SH3YL1: variants seen among roughly 807,000 people sequenced by gnomAD.
SH3YL1 encodes the protein SH3 and SYLF domain containing 1.
SH3YL1 carries 41 observed loss-of-function variants against 45.8 expected under a neutral mutation model. The ratio of observed to expected loss-of-function variants is 0.89; its 90% CI spans 0.70 to 1.16. The LOEUF (loss-of-function observed/expected upper bound fraction) is 1.16. Among genes scored for constraint, SH3YL1 ranks in the 50% most tolerant of loss-of-function variants. The probability of loss-of-function intolerance (pLI) is 0.00; values close to 1 mark genes in which losing one functional copy is unlikely to be tolerated. For synonymous variants in SH3YL1, 152 were observed against 151.4 expected, an observed-to-expected ratio of 1.00 and a Z score of -0.03; for missense variants, 389 against 409.6, an observed-to-expected ratio of 0.95 and a Z score of 0.43.
chr2:238,958 G>C (rs562404486), intron 4 of SH3YL1, among the ~76,000 whole-genome samples: 1 of 152,172 alleles, frequency 6.6e-6, no homozygotes, highest in Non-Finnish European at 1.5e-5. Flanking sequence ...TCTAAAGGTT[G>C]AGATTGTCGA....
At chr2:241,888 A>G (rs1668563792) in intron 4 of SH3YL1, 2 of 152,152 alleles carry the variant, frequency 1.3e-5, no homozygotes, top group Admixed American at 1.3e-4. Context: ...ACCATTTTAC[A>G]AGAAATATTA....
At chr2:224,997 C>G in intron 8 of SH3YL1, 77 bp from the exon 9 acceptor site, 1 of 1,088,372 alleles carries the variant, frequency 9.2e-7, no homozygotes, top group Non-Finnish European at 1.4e-6. Context: ...ATTGCCAGAT[C>G]CTGCCCTTGC....
chr2:232,526 T>C (rs1170793191), intron 6 of SH3YL1, among the ~76,000 whole-genome samples: 2 of 152,030 alleles, frequency 1.3e-5, no homozygotes, highest in African/African-American at 2.4e-5. Flanking sequence ...ATATGCCATG[T>C]TGGTGTGCTG....
intron 1 of SH3YL1, chr2:262,645 G>A (rs1188599934): frequency 7.7e-7 from 1 of 1,304,266 alleles, no homozygotes; most frequent in Non-Finnish European, 1.0e-6. Context: ...AAACAAGCTG[G>A]CGTGCACAGG....
In SH3YL1 at chr2:249,931, A is replaced by C; in HGVS notation, c.113-87T>G. 8.7e-6 allele frequency: 8 copies of C among 922,702 alleles called. No homozygotes were observed. The Middle Eastern group carries it at 9.6e-4, about 111-fold the overall frequency. 57.2% of individuals were successfully genotyped at this position (922,702 alleles called of 1,614,324 possible). A position where few individuals can be genotyped will look rare whatever the true frequency, so the allele number is the denominator to read the frequency against. On this transcript the variant is annotated intron_variant, in intron 2 of 9. Coordinates refer to ENST00000356150, the MANE Select transcript of SH3YL1 (RefSeq NM_015677.4). ...CAAGTGTTAAACAGAGTCAGTGTAC[A>C]CAGAGGTTATCTCTAGGAATTCGGG...
chr2:218,755 C>A lies in SH3YL1; in HGVS notation c.*56G>T. 1 of 1,384,032 alleles carries A rather than the reference C, an allele frequency of 7.2e-7. No individual in the cohort carries two copies. The highest frequency in any genetic ancestry group is 1.6e-5 in the South Asian group (1 of 62,668). The allele number at this position is 1,384,032 out of a possible 1,614,324, so 85.7% of individuals were successfully genotyped here. A position where few individuals can be genotyped will look rare whatever the true frequency, so the allele number is the denominator to read the frequency against. On this transcript the variant is annotated 3_prime_UTR_variant, in exon 10 of 10. Transcript: ENST00000356150. Reference sequence around the variant, plus strand: ...TTAAACATTGCTTAACTAGTAAATCCTGTCAGTGTAGAAATAATTTTTTTG... The same window carrying A: ...TTAAACATTGCTTAACTAGTAAATCATGTCAGTGTAGAAATAATTTTTTTG...
chr2:229,558 T>C (rs1294419482), intron 8 of SH3YL1, among the ~76,000 whole-genome samples: 1 of 151,296 alleles, frequency 6.6e-6, no homozygotes, highest in East Asian at 1.9e-4. Flanking sequence ...TGAAACCCCG[T>C]CTCTACTAAA....
chr2:256,319 T>C (rs769785749), intron 1 of SH3YL1: 2 of 152,234 alleles, frequency 1.3e-5, no homozygotes, highest in Non-Finnish European at 2.9e-5. Context: ...TCACTGTTGA[T>C]AGACAATTGG....
chr2:262,556 G>A (rs564841026), intron 1 of SH3YL1: 3 of 1,302,432 alleles, frequency 2.3e-6, no homozygotes, highest in East Asian at 5.6e-5. Flanking sequence ...GATCTTCTCA[G>A]AGAAAATTTT....
chr2:249,965 G>A, intron 2 of SH3YL1, 121 bp from the exon 3 acceptor site: 1 of 667,204 alleles, frequency 1.5e-6, no homozygotes, highest in South Asian at 1.9e-5. Flanking sequence ...GGGCACACAG[G>A]AGCAATGAAC....
chr2:236,267 G>A (rs889219633), intron 4 of SH3YL1, among the ~76,000 whole-genome samples: 1 of 151,692 alleles, frequency 6.6e-6, no homozygotes, highest in Non-Finnish European at 1.5e-5. Flanking sequence ...GAGGCAGCAT[G>A]GGCCAGGGCA....
chr2:259,938 C>A (rs1342880405), intron 1 of SH3YL1: 1 of 151,604 alleles, frequency 6.6e-6, no homozygotes, highest in Non-Finnish European at 1.5e-5. Flanking sequence ...GGAAAAGACC[C>A]AAGTATGGCA....
At chr2:244,894 G>A (rs567693349) in intron 4 of SH3YL1, among the ~76,000 whole-genome samples, 3 of 152,214 alleles carry the variant, frequency 2.0e-5, no homozygotes, top group South Asian at 2.1e-4. Flanking sequence ...CTCAGCCAGT[G>A]ACCTGAGTCA....
chr2:243,368 C>A (rs1439907381), intron 4 of SH3YL1: 1 of 866,884 alleles, frequency 1.2e-6, no homozygotes, highest in Non-Finnish European at 1.7e-6. Context: ...AAATCAAGGA[C>A]AAGATAAATT....
intron 4 of SH3YL1, chr2:242,740 A>ACAG (rs2103038740): frequency 6.8e-7 from 1 of 1,479,816 alleles, no homozygotes; most frequent in South Asian, 1.4e-5. Flanking sequence ...AATAACAACA[A>ACAG]CAACAACAAC....
In SH3YL1 at chr2:247,610, A is replaced by G; in HGVS notation, c.227-8T>C. On this transcript the variant is annotated splice_polypyrimidine_tract_variant and splice_region_variant and intron_variant, in intron 3 of 9. Coordinates refer to ENST00000356150, the MANE Select transcript of SH3YL1 (RefSeq NM_015677.4). ...CTGAGGGTGCAGACCATTCTAATAA[A>G]AAAACAAACGAACGTTATCCTAACA... The G allele has an allele frequency of 6.5e-7, 1 of 1,548,742 alleles. No individual in the cohort carries two copies. The highest frequency in any genetic ancestry group is 1.4e-5 in the African/African-American group (1 of 73,004).
chr2:259,769 T>C (rs1007223717), intron 1 of SH3YL1: 2 of 150,366 alleles, frequency 1.3e-5, no homozygotes, highest in Non-Finnish European at 3.0e-5. Flanking sequence ...AAATGATGTA[T>C]TGCATACTAG....
rs6744062 is a variant in SH3YL1, at chr2:228,450, C to T, written c.781+1516G>A. 5.3e-3 allele frequency among the ~76,000 whole-genome samples: 805 copies of T among 152,272 alleles called. 7 individuals carry two copies. The highest frequency in any genetic ancestry group is 0.019 in the African/African-American group (771 of 41,548). Reference sequence around the variant, plus strand: ...AGGTCCACAGTCATTTTTAAATCCGCACTGATAAGGACCTGATACTAAGAG... The same window carrying T: ...AGGTCCACAGTCATTTTTAAATCCGTACTGATAAGGACCTGATACTAAGAG... On this transcript the variant is annotated intron_variant, in intron 8 of 9. Coordinates refer to ENST00000356150, the MANE Select transcript of SH3YL1 (RefSeq NM_015677.4).
chr2:242,305 A>G (rs1668578251), intron 4 of SH3YL1: 1 of 152,124 alleles, frequency 6.6e-6, no homozygotes, highest in African/African-American at 2.4e-5. Context: ...AAAATTATAT[A>G]CATTATTAAC....
Sources: gnomAD v4.1 joint callset for allele counts (sites outside exome capture counted in the v4.1 genomes callset) on GRCh38, gnomAD v4.1.1 for gene constraint, MANE v1.5 for transcripts, NCBI Gene and HGNC (gene_info 2026-07-23, HGNC 2026-07-21) for gene names.